The following RGS6 variants were observed in gnomAD, a reference collection of about 807,000 sequenced individuals.
RGS6 encodes regulator of G-protein signaling 6.
Under a neutral mutation model 78.5 loss-of-function variants are expected in RGS6, and 30 were observed. That is an observed-to-expected ratio of 0.38 (90% CI 0.29 to 0.52). RGS6 has a LOEUF of 0.52. Among genes scored for constraint, RGS6 ranks in the 20% least tolerant of loss-of-function variants. The pLI, the probability that RGS6 is intolerant of heterozygous loss-of-function variation, is 0.85. For synonymous variants in RGS6, 206 were observed against 206.0 expected, an observed-to-expected ratio of 1.00 and a Z score of 0.00; for missense variants, 495 against 609.7, an observed-to-expected ratio of 0.81 and a Z score of 1.98.
intron 2 of RGS6, among the ~76,000 whole-genome samples, chr14:72,304,402 G>T (rs1322930502): frequency 6.6e-6 from 1 of 152,206 alleles, no homozygotes; most frequent in Non-Finnish European, 1.5e-5. Flanking sequence ...TCTATAGTAT[G>T]AATAGGAACC....
intron 2 of RGS6, among the ~76,000 whole-genome samples, chr14:72,335,516 T>C (rs935399946): frequency 6.6e-6 from 1 of 152,216 alleles, no homozygotes; most frequent in Admixed American, 6.5e-5. Context: ...CAGGTGCTTC[T>C]ACAGCTTGGC....
chr14:72,186,876 C>G (rs1011114085), intron 2 of RGS6, among the ~76,000 whole-genome samples: 1 of 152,214 alleles, frequency 6.6e-6, no homozygotes, highest in African/African-American at 2.4e-5. Flanking sequence ...GGAATAATGT[C>G]TGTCTCTGGG....
intron 10 of RGS6, among the ~76,000 whole-genome samples, chr14:72,475,830 G>GCACACACACACACACACACACGCGCACA (rs1555424340): frequency 2.1e-5 from 3 of 145,606 alleles, no homozygotes; most frequent in African/African-American, 7.7e-5. Context: ...AAAAATACAC[G>GCACACACACACACACACACACGCGCACA]CACACACACA....
chr14:72,557,719 A>G (rs942289020), intron 17 of RGS6, among the ~76,000 whole-genome samples: 1 of 152,260 alleles, frequency 6.6e-6, no homozygotes, highest in East Asian at 1.9e-4. Flanking sequence ...GCTGTATTCA[A>G]CGAAACACGA....
rs1176020815 is a variant in RGS6 at position 72,194,319 on chromosome 14, A to G, written c.85-157776A>G. Among the ~76,000 whole-genome samples the G allele has an allele frequency of 2.0e-5, 3 of 152,182 alleles. No homozygotes were observed. The East Asian group carries it at 5.8e-4, about 29-fold the overall frequency. ...GTTCTGGGTGATGGCTATACCGGTA[A>G]ACAGAATAGTCAAAGCTTCCTGCCC... On this transcript the variant is annotated intron_variant, in intron 2 of 17. Coordinates refer to ENST00000553525, the MANE Select transcript of RGS6 (RefSeq NM_001204424.2).
At chr14:72,003,359 C>T (rs961849544) in intron 2 of RGS6, among the ~76,000 whole-genome samples, 6 of 152,134 alleles carry the variant, frequency 3.9e-5, no homozygotes, top group Admixed American at 2.0e-4. Context: ...TACAACTTGC[C>T]ACTTTAATCA....
At chr14:72,166,203 T>A (rs1432569507) in intron 2 of RGS6, among the ~76,000 whole-genome samples, 2 of 152,010 alleles carry the variant, frequency 1.3e-5, no homozygotes, top group Non-Finnish European at 2.9e-5. Flanking sequence ...TCTCTGCTAC[T>A]TCCATTATCT....
intron 13 of RGS6, among the ~76,000 whole-genome samples, chr14:72,509,804 C>G (rs779740228): frequency 6.6e-6 from 1 of 152,040 alleles, no homozygotes; most frequent in African/African-American, 2.4e-5. Flanking sequence ...CATGAAGCAT[C>G]CTGGGTTATA....
intron 12 of RGS6, among the ~76,000 whole-genome samples, chr14:72,480,130 GA>G (rs1441802174): frequency 2.6e-5 from 4 of 152,224 alleles, no homozygotes; most frequent in Admixed American, 6.5e-5. Context: ...GTTGAGCCAA[GA>G]AATCCACATT....
At chr14:72,519,920 A>G (rs780870297) in intron 15 of RGS6, among the ~76,000 whole-genome samples, 1 of 152,196 alleles carries the variant, frequency 6.6e-6, no homozygotes, top group Non-Finnish European at 1.5e-5. Context: ...CACTCCAAGC[A>G]TGACATCAGG....
At chr14:72,405,627 T>C (rs910312130) in intron 3 of RGS6, among the ~76,000 whole-genome samples, 4 of 152,188 alleles carry the variant, frequency 2.6e-5, no homozygotes, top group Admixed American at 6.5e-5. Context: ...TTTACAAGTA[T>C]ATGTTTATGG....
chr14:72,383,223 C>A (rs1323290944), intron 3 of RGS6, among the ~76,000 whole-genome samples: 1 of 129,048 alleles, frequency 7.7e-6, no homozygotes, highest in Non-Finnish European at 1.7e-5. Flanking sequence ...TACACACAAA[C>A]ACACTAGTAT....
chr14:72,135,653 T>G (rs2096422972), intron 2 of RGS6, among the ~76,000 whole-genome samples: 1 of 152,176 alleles, frequency 6.6e-6, no homozygotes. Context: ...TTTCCTCACC[T>G]TCTCCTAACA....
At chr14:72,523,674 T>C (rs1267282794) in intron 15 of RGS6, among the ~76,000 whole-genome samples, 4 of 152,224 alleles carry the variant, frequency 2.6e-5, no homozygotes, top group Admixed American at 2.0e-4. Flanking sequence ...TTTGTACTTG[T>C]GTTTTGCTGA....
intron 8 of RGS6, among the ~76,000 whole-genome samples, chr14:72,470,675 T>C (rs758409531): frequency 5.9e-5 from 9 of 151,546 alleles, no homozygotes; most frequent in Non-Finnish European, 1.2e-4. Flanking sequence ...AGGTCAGGAG[T>C]TCGAGACCAA....
At chr14:72,055,960 T>C (rs925355134) in intron 2 of RGS6, among the ~76,000 whole-genome samples, 1 of 152,232 alleles carries the variant, frequency 6.6e-6, no homozygotes, top group African/African-American at 2.4e-5. Context: ...TGACATTTAT[T>C]TTTTTCTTAT....
chr14:72,248,499 C>CTATGT (rs2054810962), intron 2 of RGS6, among the ~76,000 whole-genome samples: 1 of 152,180 alleles, frequency 6.6e-6, no homozygotes, highest in African/African-American at 2.4e-5. Flanking sequence ...AAATAACACT[C>CTATGT]TATGTAACCC....
chr14:72,618,068 G>T, the RGS6 span, among the ~76,000 whole-genome samples: 12,924 of 144,246 alleles, frequency 0.09, 882 homozygotes, highest in East Asian at 0.28. Context: ...ATTTTTTTTT[G>T]AAAACAAGAG....
At position 72,478,423 on chromosome 14, in the gene RGS6, G is replaced by T. The variant is rs1032182898; in HGVS notation, c.854+94G>T. On this transcript the variant is annotated intron_variant, in intron 12 of 17. Coordinates refer to ENST00000553525, the MANE Select transcript of RGS6 (RefSeq NM_001204424.2). ...GGTTAACGAATGTGTTCAATGCCAA[G>T]AGTTAGACTGTAGTTATTCCTTAGA... 5 of 881,818 alleles carry T rather than the reference G, an allele frequency of 5.7e-6. No homozygotes were observed. The Admixed American group carries it at 8.4e-5, about 15-fold the overall frequency. 54.6% of individuals were successfully genotyped at this position (881,818 alleles called of 1,614,324 possible). A position where few individuals can be genotyped will look rare whatever the true frequency, so the allele number is the denominator to read the frequency against.
Sources: gnomAD v4.1 joint callset for allele counts (sites outside exome capture counted in the v4.1 genomes callset) on GRCh38, gnomAD v4.1.1 for gene constraint, MANE v1.5 for transcripts, NCBI Gene and HGNC (gene_info 2026-07-23, HGNC 2026-07-21) for gene names.